Variants in PALLD observed in about 807,000 individuals in gnomAD.
PALLD encodes palladin, cytoskeletal associated protein.
In PALLD, 61 loss-of-function variants were observed where a neutral mutation model predicts 123.5. That is an observed-to-expected ratio of 0.49 (90% CI 0.40 to 0.61). The LOEUF (loss-of-function observed/expected upper bound fraction) is 0.61, where lower values mean the gene tolerates loss of function less well. PALLD is among the 20% of genes least tolerant of loss of function. The probability of loss-of-function intolerance (pLI) is 0.00; values close to 1 mark genes in which losing one functional copy is unlikely to be tolerated. For missense variants in PALLD, 1,273 were observed against 1,377.0 expected, an observed-to-expected ratio of 0.92 and a Z score of 1.20; for synonymous variants, 465 against 496.4, an observed-to-expected ratio of 0.94 and a Z score of 0.84.
chr4:168,854,448 T>C (rs1046496450), intron 10 of PALLD, among the ~76,000 whole-genome samples: 1 of 152,222 alleles, frequency 6.6e-6, no homozygotes, highest in Non-Finnish European at 1.5e-5. Flanking sequence ...TTCCCAGATG[T>C]TCTCTGAGGT....
At chr4:168,794,224 C>A (rs1025240709) in intron 10 of PALLD, among the ~76,000 whole-genome samples, 2 of 152,178 alleles carry the variant, frequency 1.3e-5, no homozygotes, top group South Asian at 2.1e-4. Context: ...GCCCACCTGG[C>A]CTGAGGCGAA....
At chr4:168,707,454 C>T (rs1285878882) in intron 8 of PALLD, among the ~76,000 whole-genome samples, 1 of 152,172 alleles carries the variant, frequency 6.6e-6, no homozygotes, top group Admixed American at 6.5e-5. Context: ...TTTGGAAGGG[C>T]TTATGTCTGC....
intron 2 of PALLD, among the ~76,000 whole-genome samples, chr4:168,580,060 C>T (rs931152084): frequency 1.4e-4 from 21 of 152,046 alleles, no homozygotes; most frequent in African/African-American, 5.1e-4. Flanking sequence ...CTGGCAACCA[C>T]CATTCTACCT....
intron 10 of PALLD, chr4:168,864,496 G>A (rs1395209853): frequency 6.6e-6 from 1 of 152,078 alleles, no homozygotes; most frequent in Non-Finnish European, 1.5e-5. Context: ...AGATGATCCC[G>A]GTTCCTTCCA....
chr4:168,501,362 T>A (rs1761380844), intron 1 of PALLD, among the ~76,000 whole-genome samples: 1 of 151,994 alleles, frequency 6.6e-6, no homozygotes, highest in African/African-American at 2.4e-5. Flanking sequence ...TGCAGTGAGC[T>A]ATGATCACAC....
intron 2 of PALLD, among the ~76,000 whole-genome samples, chr4:168,614,595 AT>A (rs1353680036): frequency 6.6e-6 from 1 of 152,176 alleles, no homozygotes; most frequent in East Asian, 1.9e-4. Flanking sequence ...AGATGGTATC[AT>A]TTTGCCTTTG....
rs1762609881 is a variant in PALLD, at chr4:168,926,588, A to AAAAT, written c.*410_*413dup. 14 of 481,894 alleles carry AAAAT rather than the reference A, an allele frequency of 2.9e-5. No individual in the cohort carries two copies. In the East Asian group the frequency reaches 4.6e-4, roughly 16 times the overall value. 29.9% of individuals were successfully genotyped at this position (481,894 alleles called of 1,614,324 possible). A position where few individuals can be genotyped will look rare whatever the true frequency, so the allele number is the denominator to read the frequency against. ...TAATACAAATATACACATTGCACAG[A>AAAAT]AAATACACATTTACTGTCCAATTTA... On this transcript the variant is annotated 3_prime_UTR_variant, in exon 22 of 22. Coordinates refer to ENST00000505667, the MANE Select transcript of PALLD (RefSeq NM_001166108.2).
At position 168,861,677 on chromosome 4, in the gene PALLD, T is replaced by A. The variant is rs145794923; in HGVS notation, c.1965-29245T>A. Among the ~76,000 whole-genome samples the A allele has an allele frequency of 7.6e-3, 1,152 of 152,216 alleles. 10 individuals are homozygous for A. Among genetic ancestry groups the A allele is most frequent in the Middle Eastern group, 0.027 (8 of 294 alleles). On this transcript the variant is annotated intron_variant, in intron 10 of 21. Coordinates refer to ENST00000505667, the MANE Select transcript of PALLD (RefSeq NM_001166108.2). ...TTGAAGATTTTTTTTAATTTTTTTTTATTTTTTTAGAGATGGGGTCTCGCT... is the reference window on the plus strand; with the variant it reads ...TTGAAGATTTTTTTTAATTTTTTTTAATTTTTTTAGAGATGGGGTCTCGCT...
intron 10 of PALLD, among the ~76,000 whole-genome samples, chr4:168,721,131 C>T (rs1320553810): frequency 6.6e-6 from 1 of 152,152 alleles, no homozygotes; most frequent in Non-Finnish European, 1.5e-5. Context: ...ATAAGAAATA[C>T]CATATGTCCA....
intron 2 of PALLD, among the ~76,000 whole-genome samples, chr4:168,658,312 T>C (rs1231275129): frequency 2.3e-5 from 3 of 128,616 alleles, no homozygotes; most frequent in Non-Finnish European, 4.8e-5. Context: ...TGTGATGAGA[T>C]CTTGCTTTGT....
intron 5 of PALLD, among the ~76,000 whole-genome samples, chr4:168,683,676 T>TAA (rs375061129): frequency 6.7e-6 from 1 of 149,258 alleles, no homozygotes; most frequent in Non-Finnish European, 1.5e-5. Context: ...GAACTTCTTT[T>TAA]AAAAAAAAAA....
intron 10 of PALLD, among the ~76,000 whole-genome samples, chr4:168,783,084 GTA>G (rs57516688): frequency 8.5e-4 from 62 of 73,082 alleles, no homozygotes; most frequent in African/African-American, 2.1e-3. Context: ...GTGTGTGTGT[GTA>G]TAGTACTGTT....
intron 10 of PALLD, among the ~76,000 whole-genome samples, chr4:168,841,386 A>G (rs1490400830): frequency 3.3e-5 from 5 of 152,220 alleles, no homozygotes; most frequent in Non-Finnish European, 7.3e-5. Context: ...CACTGACTAC[A>G]TGTTCAGGAG....
At chr4:168,861,907 C>T (rs1445962685) in intron 10 of PALLD, among the ~76,000 whole-genome samples, 2 of 152,076 alleles carry the variant, frequency 1.3e-5, no homozygotes, top group Non-Finnish European at 2.9e-5. Context: ...CCTCCCCCTT[C>T]GGCCTCCCAA....
chr4:168,752,514 G>A (rs1260876828), intron 10 of PALLD, among the ~76,000 whole-genome samples: 1 of 152,198 alleles, frequency 6.6e-6, no homozygotes, highest in African/African-American at 2.4e-5. Flanking sequence ...TCTTGGCCAA[G>A]GTGTTTATGC....
chr4:168,823,166 T>C (rs1270735690), intron 10 of PALLD, among the ~76,000 whole-genome samples: 3 of 152,100 alleles, frequency 2.0e-5, no homozygotes, highest in African/African-American at 7.3e-5. Context: ...TCTGGGTTTA[T>C]TAAAATTAAA....
intron 8 of PALLD, among the ~76,000 whole-genome samples, chr4:168,692,862 G>T (rs1458917186): frequency 6.6e-6 from 1 of 152,212 alleles, no homozygotes; most frequent in East Asian, 1.9e-4. Flanking sequence ...GCACATAGGT[G>T]ATGATGATTT....
chr4:168,702,070 ATAAT>A (rs1262235222), intron 8 of PALLD, among the ~76,000 whole-genome samples: 1 of 152,212 alleles, frequency 6.6e-6, no homozygotes, highest in Non-Finnish European at 1.5e-5. Flanking sequence ...GATAATGAGA[ATAAT>A]TAGTTTTTTC....
chr4:168,518,666 T>A (rs915785307), intron 2 of PALLD, among the ~76,000 whole-genome samples: 1 of 152,220 alleles, frequency 6.6e-6, no homozygotes, highest in Non-Finnish European at 1.5e-5. Context: ...CTCCTATAAC[T>A]ACTCTATGTA....
Sources: allele counts gnomAD v4.1 joint callset (sites outside exome capture counted in the v4.1 genomes callset), GRCh38; gene constraint gnomAD v4.1.1; transcripts MANE v1.5; gene names NCBI Gene and HGNC (gene_info 2026-07-23, HGNC 2026-07-21).